SYVN1: variants seen among roughly 807,000 people sequenced by gnomAD.
SYVN1 encodes synoviolin 1, also known as E3 ubiquitin-protein ligase synoviolin.
In SYVN1, 17 loss-of-function variants were observed where a neutral mutation model predicts 62.6. The ratio of observed to expected loss-of-function variants is 0.27; its 90% confidence interval spans 0.19 to 0.41. The LOEUF (loss-of-function observed/expected upper bound fraction) is 0.41. Among genes scored for constraint, SYVN1 ranks in the 10% least tolerant of loss-of-function variants. The probability of loss-of-function intolerance (pLI) is 1.00; values close to 1 mark genes in which losing one functional copy is unlikely to be tolerated. For synonymous variants in SYVN1, 316 were observed against 304.0 expected (o/e 1.04, Z -0.41); for missense variants, 634 against 818.0 (o/e 0.78, Z 2.74).
Position 65,130,907 on chromosome 11 carries a change from G to A in SYVN1, c.941+13C>T. On this transcript the variant is annotated intron_variant, in intron 10 of 15. Coordinates refer to ENST00000377190, the MANE Select transcript of SYVN1 (RefSeq NM_172230.3). Reference sequence around the variant, plus strand: ...TGTGCCCTGCTGTGCAGGCTCCCCAGGGCCCCTCCCACCTGGTATGGAAAA... The same window carrying A: ...TGTGCCCTGCTGTGCAGGCTCCCCAAGGCCCCTCCCACCTGGTATGGAAAA... 8 of 1,613,508 alleles carry A rather than the reference G, an allele frequency of 5.0e-6. No homozygotes were observed. Among genetic ancestry groups the A allele is most frequent in the Non-Finnish European group, 6.8e-6 (8 of 1,179,982 alleles).
rs747621841 is a variant in SYVN1 at position 65,133,605 on chromosome 11, C to G, written c.-4G>C. ...TCATCACTGCCGTGCGGAACATTGC[C>G]CTGGCCCGGAGACCTGCATGGGGCA... On this transcript the variant is annotated 5_prime_UTR_variant, in exon 2 of 16. Coordinates refer to ENST00000377190, the MANE Select transcript of SYVN1 (RefSeq NM_172230.3). The G allele has an allele frequency of 3.1e-6, 5 of 1,608,496 alleles. No individual in the cohort carries two copies. The highest frequency in any genetic ancestry group is 3.4e-6 in the Non-Finnish European group (4 of 1,179,808).
chr11:65,131,029 C>G lies in SYVN1; in HGVS notation c.832G>C (p.Asp278His). The G allele has an allele frequency of 6.2e-7, 1 of 1,614,170 alleles. No homozygotes were observed. Among genetic ancestry groups the G allele is most frequent in the African/African-American group, 1.3e-5 (1 of 75,056 alleles). The stretch of plus-strand genomic sequence containing the variant: ...GCCTGGAGCTCCTCTGGGGTGGCAT[C>G]TGGATACCTGGTTAGGATGACAGGG... Reference protein sequence around the residue: ...AIRNMNTLYPDATPEELQAMD... With the variant: ...AIRNMNTLYPHATPEELQAMD... The change falls in exon 10 of 16, where the codon GAT becomes CAT. Residue 278 changes from aspartate to histidine, a missense_variant. Asp to His is a moderately conservative substitution (Grantham distance 81, BLOSUM62 -1). Transcript: ENST00000377190.
chr11:65,132,607 G>C (rs1023542212), intron 5 of SYVN1, 125 bp downstream of exon 5: 1 of 1,185,782 alleles, frequency 8.4e-7, no homozygotes, highest in African/African-American at 1.5e-5. Context: ...ACAGCACAGA[G>C]ACTATGCAAA....
At chr11:65,131,405 C>T in intron 7 of SYVN1, 32 bp from the exon 8 acceptor site, 2 of 1,613,874 alleles carry the variant, frequency 1.2e-6, no homozygotes, top group Non-Finnish European at 1.7e-6. Context: ...AGCAGCAGGT[C>T]ACAGGGCCAG....
intron 4 of SYVN1, 40 bp downstream of exon 4, chr11:65,132,882 C>G (rs1218760722): frequency 1.9e-6 from 3 of 1,613,596 alleles, no homozygotes; most frequent in Non-Finnish European, 1.7e-6. Flanking sequence ...TGGCTACTCC[C>G]TGGCTTCCAC....
rs779120584 is a variant in SYVN1 at position 65,128,014 on chromosome 11, C to T, written c.*368G>A. 3.1e-5 allele frequency: 11 copies of T among 355,296 alleles called. No homozygotes were observed. Among genetic ancestry groups the T allele is most frequent in the Non-Finnish European group, 5.2e-5 (10 of 190,874 alleles). The allele number at this position is 355,296 out of a possible 1,614,324, so 22.0% of individuals were successfully genotyped here. A position where few individuals can be genotyped will look rare whatever the true frequency, so the allele number is the denominator to read the frequency against. On this transcript the variant is annotated 3_prime_UTR_variant, in exon 16 of 16. Coordinates refer to ENST00000377190, the MANE Select transcript of SYVN1 (RefSeq NM_172230.3). ...GGGAACGGGAGCTAATACTGTTCGG[C>T]ACTGCAGTGTGACTCCGCACATACA...
At chr11:65,131,663 C>T (rs914289599) in intron 6 of SYVN1, 67 bp from the exon 7 acceptor site, 10 of 1,578,322 alleles carry the variant, frequency 6.3e-6, no homozygotes, top group Non-Finnish European at 7.7e-6. Flanking sequence ...CACATTGCTC[C>T]CCAAGGCCTC....
At chr11:65,129,635 C>T in intron 14 of SYVN1, 94 bp downstream of exon 14, 4 of 1,253,154 alleles carry the variant, frequency 3.2e-6, no homozygotes, top group Admixed American at 1.9e-5. Flanking sequence ...CCTGAATTGG[C>T]AGGTGTCAAA....
Position 65,129,834 on chromosome 11 carries a change from C to T in SYVN1, c.1490G>A (p.Arg497Gln), listed in dbSNP as rs368595070. 12 of 1,614,052 alleles carry T rather than the reference C, an allele frequency of 7.4e-6. No homozygotes were observed. Among genetic ancestry groups the T allele is most frequent in the African/African-American group, 1.3e-5 (1 of 74,942 alleles). The change falls in exon 14 of 16, where the codon CGG becomes CAG. Residue 497 changes from arginine (R) to glutamine (Q), a missense_variant. Transcript: ENST00000377190. ...EELRALEGHE[R>Q]QHLEARLQSL... ...CTGCAGCCGGGCCTCCAGGTGCTGC[C>T]GCTCATGGCCCTCCAGAGCTCGTAG...
chr11:65,134,012 G>C (rs1272990681), intron 1 of SYVN1, among the ~76,000 whole-genome samples: 1 of 152,252 alleles, frequency 6.6e-6, no homozygotes, highest in East Asian at 1.9e-4. Flanking sequence ...TGCGCAGCCA[G>C]GGCTGAGAGC....
chr11:65,132,499 G>A, intron 5 of SYVN1, 148 bp from the exon 6 acceptor site: 1 of 754,238 alleles, frequency 1.3e-6, no homozygotes, highest in Non-Finnish European at 2.2e-6. Flanking sequence ...GGCCCTCTGG[G>A]AACTTCCTGG....
chr11:65,131,113 C>T lies in SYVN1; in HGVS notation c.824+19G>A. 2 of 1,614,112 alleles carry T rather than the reference C, an allele frequency of 1.2e-6. No individual in the cohort carries two copies. Among genetic ancestry groups the T allele is most frequent in the Non-Finnish European group, 1.7e-6 (2 of 1,179,960 alleles). On this transcript the variant is annotated intron_variant, in intron 9 of 15. Coordinates refer to ENST00000377190, the MANE Select transcript of SYVN1 (RefSeq NM_172230.3). ...CCCAGGACCGAGCTTGGGACAGCAG[C>T]CATGACAAGCCTACTTACAGGGTGT...
At position 65,132,793 on chromosome 11, in the gene SYVN1, A is replaced by G; in HGVS notation, c.379-13T>C. Reference sequence around the variant, plus strand: ...GGCTGCGTTCCATCTGAGGCAGAGCACAGAAGAGGCCTGTCAGGAGGCCTG... The same window carrying G: ...GGCTGCGTTCCATCTGAGGCAGAGCGCAGAAGAGGCCTGTCAGGAGGCCTG... On this transcript the variant is annotated splice_polypyrimidine_tract_variant and intron_variant, in intron 4 of 15. Transcript: ENST00000377190. The G allele has an allele frequency of 6.2e-7, 1 of 1,614,104 alleles. No homozygotes were observed. The highest frequency in any genetic ancestry group is 8.5e-7 in the Non-Finnish European group (1 of 1,180,004).
chr11:65,129,971 CAAG>C (rs1324357037), intron 13 of SYVN1, 28 bp downstream of exon 13: 2 of 1,599,512 alleles, frequency 1.3e-6, no homozygotes, highest in Non-Finnish European at 1.7e-6. Flanking sequence ...ACCTCACCCC[CAAG>C]AAGAACCCAG....
At position 65,130,640 on chromosome 11, in the gene SYVN1, C is replaced by T; in HGVS notation, c.1105+20G>A. 6.7e-7 allele frequency: 1 copy of T among 1,493,876 alleles called. No homozygotes were observed. The highest frequency in any genetic ancestry group is 2.4e-5 in the Admixed American group (1 of 41,104). 92.5% of individuals were successfully genotyped at this position (1,493,876 alleles called of 1,614,324 possible). A position where few individuals can be genotyped will look rare whatever the true frequency, so the allele number is the denominator to read the frequency against. ...AAGTATCCAGTGGTATGCCGGGTGG[C>T]CAGACAAGGGGATACTCACAGTTGG... On this transcript the variant is annotated intron_variant, in intron 11 of 15. Coordinates refer to ENST00000377190, the MANE Select transcript of SYVN1 (RefSeq NM_172230.3).
At chr11:65,132,200 G>A (rs1218028211) in intron 6 of SYVN1, 48 bp downstream of exon 6, 2 of 1,441,834 alleles carry the variant, frequency 1.4e-6, no homozygotes, top group Non-Finnish European at 9.8e-7. Flanking sequence ...CAAGGCACAT[G>A]TGGGGTCACC....
chr11:65,129,918 GGA>G lies in SYVN1; in HGVS notation c.1409-5_1409-4del, dbSNP rs757551063. 12 of 1,612,610 alleles carry G rather than the reference GGA, an allele frequency of 7.4e-6. No individual in the cohort carries two copies. Among genetic ancestry groups the G allele is most frequent in the South Asian group, 3.3e-5 (3 of 91,040 alleles). The stretch of plus-strand genomic sequence containing the variant: ...GGGCACAGGCATTGGGGGGAAGGCT[GGA>G]GAGAGAGAGGCTCAGTCTGGGCTGC... On this transcript the variant is annotated splice_polypyrimidine_tract_variant and splice_region_variant and intron_variant, in intron 13 of 15. Transcript: ENST00000377190.
rs1948200466 is a variant in SYVN1, at chr11:65,133,010, T to C, written c.290A>G (p.Asp97Gly). 1 of 1,614,006 alleles carries C rather than the reference T, an allele frequency of 6.2e-7. No individual in the cohort carries two copies. The highest frequency in any genetic ancestry group is 1.7e-5 in the Admixed American group (1 of 59,998). Residue 97 changes from aspartate to glycine, a missense_variant, in exon 4 of 16, where the codon GAT (aspartate) becomes GGT (glycine). Around this residue, in one of 2 missense-constraint regions of SYVN1, gnomAD observed 283 missense variants for 444.7 expected, o/e 0.64. Coordinates refer to ENST00000377190, the MANE Select transcript of SYVN1 (RefSeq NM_172230.3). ...ETCLAFTVFR[D>G]DFSPRFVALF... Reference sequence around the variant, plus strand: ...TGCAACAAAGCGGGGGCTGAAGTCATCCCGAAAAACGGTGAAGGCCAGACA... The same window carrying C: ...TGCAACAAAGCGGGGGCTGAAGTCACCCCGAAAAACGGTGAAGGCCAGACA...
intron 1 of SYVN1, 101 bp from the exon 2 acceptor site, chr11:65,133,719 C>G: frequency 5.4e-6 from 5 of 923,808 alleles, no homozygotes; most frequent in East Asian, 2.6e-5. Flanking sequence ...GGGGGGAAAT[C>G]ACATTTCGCC....
Sources: gnomAD v4.1 joint callset for allele counts (sites outside exome capture counted in the v4.1 genomes callset) on GRCh38, gnomAD v4.1.1 for gene constraint, gnomAD v4.1.1 regional missense constraint, MANE v1.5 for transcripts, NCBI Gene and HGNC (gene_info 2026-07-23, HGNC 2026-07-21) for gene names.